ELP4: variants seen among roughly 807,000 people sequenced by gnomAD.
ELP4 encodes elongator complex protein 4.
ELP4 carries 51 observed loss-of-function variants against 48.9 expected under a neutral mutation model. That is an observed-to-expected ratio of 1.04 (90% CI 0.83 to 1.32). The LOEUF (loss-of-function observed/expected upper bound fraction) is 1.32, where lower values mean the gene tolerates loss of function less well. ELP4 is among the 40% of genes most tolerant of loss of function. The pLI, the probability that ELP4 is intolerant of heterozygous loss-of-function variation, is 0.00. For synonymous variants in ELP4, 210 were observed against 189.2 expected, an observed-to-expected ratio of 1.11 and a Z score of -0.90; for missense variants, 519 against 514.6, an observed-to-expected ratio of 1.01 and a Z score of -0.08.
At chr11:31,518,553 A>C (rs531293330) in intron 1 of ELP4, among the ~76,000 whole-genome samples, 2 of 137,906 alleles carry the variant, frequency 1.5e-5, no homozygotes, top group Non-Finnish European at 3.0e-5. Context: ...GCTGGAGTGC[A>C]GTGGTGCAAT....
intron 9 of ELP4, chr11:31,650,558 G>C (rs1270945708): frequency 4.1e-5 from 8 of 193,128 alleles, no homozygotes; most frequent in African/African-American, 1.8e-4. Flanking sequence ...ACTTGGGTGT[G>C]GAATGTGAAT....
intron 3 of ELP4, among the ~76,000 whole-genome samples, chr11:31,544,675 T>G (rs905883286): frequency 6.6e-6 from 1 of 152,182 alleles, no homozygotes; most frequent in Admixed American, 6.5e-5. Flanking sequence ...CAGCTGGAGA[T>G]CTGAGGATGG....
intron 9 of ELP4, among the ~76,000 whole-genome samples, chr11:31,746,706 G>C (rs1243809935): frequency 1.3e-5 from 2 of 152,064 alleles, no homozygotes; most frequent in Non-Finnish European, 2.9e-5. Flanking sequence ...CATGGACACA[G>C]GAAGGGGAAC....
At chr11:31,627,751 A>G (rs1427547209) in intron 6 of ELP4, among the ~76,000 whole-genome samples, 1 of 152,128 alleles carries the variant, frequency 6.6e-6, no homozygotes, top group Non-Finnish European at 1.5e-5. Flanking sequence ...GCTTAAACAA[A>G]GTGAGGAAGA....
chr11:31,626,117 C>T (rs956388870), intron 5 of ELP4, among the ~76,000 whole-genome samples: 2 of 151,764 alleles, frequency 1.3e-5, no homozygotes, highest in Admixed American at 1.3e-4. Flanking sequence ...GTTTCCTGAA[C>T]CACCTACCAT....
intron 9 of ELP4, among the ~76,000 whole-genome samples, chr11:31,673,038 A>T (rs969391817): frequency 1.3e-5 from 2 of 151,868 alleles, no homozygotes; most frequent in Non-Finnish European, 2.9e-5. Context: ...TTTTTTTGAG[A>T]TGGAGTCTCC....
At chr11:31,526,909 T>A (rs920657679) in intron 2 of ELP4, among the ~76,000 whole-genome samples, 1 of 152,004 alleles carries the variant, frequency 6.6e-6, no homozygotes, top group African/African-American at 2.4e-5. Context: ...ACCCTATCCC[T>A]TTCTCCACTA....
chr11:31,703,335 T>C (rs1396322744), intron 9 of ELP4, among the ~76,000 whole-genome samples: 1 of 152,188 alleles, frequency 6.6e-6, no homozygotes, highest in African/African-American at 2.4e-5. Flanking sequence ...AAAACAGTTA[T>C]GACACCTTTT....
intron 5 of ELP4, among the ~76,000 whole-genome samples, chr11:31,618,572 A>G (rs1013747559): frequency 3.9e-5 from 6 of 152,088 alleles, no homozygotes; most frequent in Admixed American, 2.6e-4. Flanking sequence ...TACGGTAACA[A>G]TGGCAACTAA....
At chr11:31,723,682 AC>A (rs1236841226) in intron 9 of ELP4, among the ~76,000 whole-genome samples, 1 of 152,208 alleles carries the variant, frequency 6.6e-6, no homozygotes, top group African/African-American at 2.4e-5. Context: ...AGTAACTGAT[AC>A]CCAAGATCAC....
rs183459573 is a variant in ELP4, at chr11:31,576,069, A to G, written c.382-18701A>G. On this transcript the variant is annotated intron_variant, in intron 3 of 9. Coordinates refer to ENST00000640961, the MANE Select transcript of ELP4 (RefSeq NM_019040.5). ...CCATCTCACATGCAGAGACACACAT[A>G]GGCTCAAAATAAAGGGATAGAAGAA... 4.3e-3 allele frequency among the ~76,000 whole-genome samples: 649 copies of G among 152,340 alleles called. 6 individuals are homozygous for G. Among genetic ancestry groups the G allele is most frequent in the African/African-American group, 0.015 (612 of 41,570 alleles).
chr11:31,598,197 G>A (rs537362920), intron 4 of ELP4, among the ~76,000 whole-genome samples: 3 of 151,802 alleles, frequency 2.0e-5, no homozygotes, highest in East Asian at 2.0e-4. Flanking sequence ...CTCGTGATCC[G>A]CCGACCTCGG....
At chr11:31,769,454 G>T (rs1948096686) in intron 9 of ELP4, among the ~76,000 whole-genome samples, 1 of 152,154 alleles carries the variant, frequency 6.6e-6, no homozygotes, top group Non-Finnish European at 1.5e-5. Context: ...ATATTTAGGG[G>T]ACTGACATTA....
chr11:31,601,819 G>A (rs548296527), intron 4 of ELP4, among the ~76,000 whole-genome samples: 1 of 152,094 alleles, frequency 6.6e-6, no homozygotes, highest in East Asian at 1.9e-4. Flanking sequence ...TTCCCTACTA[G>A]GCCTGGGAAT....
At chr11:31,685,390 G>GAA (rs200744511) in intron 9 of ELP4, among the ~76,000 whole-genome samples, 30 of 148,506 alleles carry the variant, frequency 2.0e-4, no homozygotes, top group African/African-American at 7.4e-4. Flanking sequence ...AAATTTAATT[G>GAA]AAAAAAAAAA....
At chr11:31,583,120 G>C (rs1194839888) in intron 3 of ELP4, among the ~76,000 whole-genome samples, 2 of 152,064 alleles carry the variant, frequency 1.3e-5, no homozygotes, top group Non-Finnish European at 2.9e-5. Context: ...AGGATCTGTA[G>C]GTCTTTATGG....
chr11:31,596,850 C>T (rs1340539717), intron 4 of ELP4, among the ~76,000 whole-genome samples: 1 of 151,172 alleles, frequency 6.6e-6, no homozygotes, highest in Non-Finnish European at 1.5e-5. Context: ...TTTTAATGGG[C>T]AGAAATATGA....
intron 3 of ELP4, among the ~76,000 whole-genome samples, chr11:31,547,809 C>G (rs1188143468): frequency 6.6e-6 from 1 of 152,184 alleles, no homozygotes; most frequent in Non-Finnish European, 1.5e-5. Flanking sequence ...GACTTCATCC[C>G]TGGGATGCAA....
intron 9 of ELP4, among the ~76,000 whole-genome samples, chr11:31,762,685 A>G (rs1947967225): frequency 6.6e-6 from 1 of 151,876 alleles, no homozygotes; most frequent in Non-Finnish European, 1.5e-5. Context: ...TTAAATAATT[A>G]ACTAGAAGGC....
Sources: allele counts gnomAD v4.1 joint callset (sites outside exome capture counted in the v4.1 genomes callset), GRCh38; gene constraint gnomAD v4.1.1; transcripts MANE v1.5; gene names NCBI Gene and HGNC (gene_info 2026-07-23, HGNC 2026-07-21).